Variants in ONECUT3 observed in about 807,000 individuals in gnomAD.
ONECUT3 encodes the protein one cut domain family member 3.
A neutral mutation model predicts 16.8 loss-of-function variants in ONECUT3; 11 were observed. That is an observed-to-expected ratio of 0.66 (90% CI 0.41 to 1.09). ONECUT3 has a LOEUF of 1.09. Among genes scored for constraint, ONECUT3 ranks in the 50% least tolerant of loss-of-function variants. ONECUT3 has a pLI of 0.00. For missense variants in ONECUT3, 637 were observed against 629.9 expected (o/e 1.01, Z -0.12); for synonymous variants, 344 against 310.7 (o/e 1.11, Z -1.13).
At position 1,764,373 on chromosome 19, in the gene ONECUT3, C is replaced by T. The variant is rs2145961455; in HGVS notation, c.1192+9519C>T. ...TTTCCCGGTTAAGTCTTTGAAGGCT[C>T]AGAACTAATTTGAAAATGCAGTCAT... On this transcript the variant is annotated intron_variant, in intron 1 of 1. Coordinates refer to ENST00000382349, the MANE Select transcript of ONECUT3 (RefSeq NM_001080488.2). The surrounding 1 kb of genome is among the most constrained non-coding windows in gnomAD (Gnocchi z 5.0). 6.6e-6 allele frequency among the ~76,000 whole-genome samples: 1 copy of T among 152,226 alleles called. No individual in the cohort carries two copies.
chr19:1,774,417 C>CAA (rs58392959), intron 1 of ONECUT3, among the ~76,000 whole-genome samples: 7 of 146,104 alleles, frequency 4.8e-5, no homozygotes, highest in African/African-American at 1.0e-4. Flanking sequence ...TTCCCCTCCG[C>CAA]AAAAAAAAAA....
rs949075864 is a variant in ONECUT3, at chr19:1,753,826, ACGG to A, written c.183_185del (p.Gly64del). ...GTGGCCGGCATGGCGAGCCTGCTGG[ACGG>A]CGGCGGCGGCGGCGGCGGTGGGGGC... On this transcript the variant is annotated inframe_deletion, in exon 1 of 2. Transcript: ENST00000382349. 569 of 951,760 alleles carry A rather than the reference ACGG, an allele frequency of 6.0e-4. No individual in the cohort carries two copies. The highest frequency in any genetic ancestry group is 6.5e-4 in the Non-Finnish European group (522 of 804,458). 59.0% of individuals were successfully genotyped at this position (951,760 alleles called of 1,614,324 possible). A position where few individuals can be genotyped will look rare whatever the true frequency, so the allele number is the denominator to read the frequency against.
At chr19:1,771,162 T>A (rs767165025) in intron 1 of ONECUT3, among the ~76,000 whole-genome samples, 11 of 152,154 alleles carry the variant, frequency 7.2e-5, no homozygotes, top group Admixed American at 4.6e-4. Flanking sequence ...TTTCCACACA[T>A]ATTAGGTCAT....
chr19:1,769,969 C>T (rs970769770), intron 1 of ONECUT3, among the ~76,000 whole-genome samples: 3 of 152,108 alleles, frequency 2.0e-5, no homozygotes, highest in African/African-American at 7.2e-5. Context: ...TGCATCCTAC[C>T]TCCCTCCCCC....
Position 1,762,094 on chromosome 19 carries a change from T to C in ONECUT3, c.1192+7240T>C, listed in dbSNP as rs1024528046. On this transcript the variant is annotated intron_variant, in intron 1 of 1. Transcript: ENST00000382349. The surrounding 1 kb of genome is among the most constrained non-coding windows in gnomAD (Gnocchi z 4.4). The stretch of plus-strand genomic sequence containing the variant: ...AGGACCCCCATCCGCCCTCTGGCAG[T>C]CTTGAGCCAGCAACTCCCCTAAGTG... Among the ~76,000 whole-genome samples, 6 of 152,148 alleles carry C rather than the reference T, an allele frequency of 3.9e-5. No individual in the cohort carries two copies. Among genetic ancestry groups the C allele is most frequent in the African/African-American group, 1.4e-4 (6 of 41,432 alleles).
Position 1,780,511 on chromosome 19 carries a change from G to A in ONECUT3, c.*5066G>A, listed in dbSNP as rs1320720338. 6.6e-6 allele frequency: 1 copy of A among 152,130 alleles called. No homozygotes were observed. The highest frequency in any genetic ancestry group is 1.5e-5 in the Non-Finnish European group (1 of 68,078). The allele number at this position is 152,130 out of a possible 1,614,324, so 9.4% of individuals were successfully genotyped here. ...GGGAGAGATGAGAGGGGCCGCTTTT[G>A]GGACAGGCCCCAGTAGGGGGGGGCG... On this transcript the variant is annotated 3_prime_UTR_variant, in exon 2 of 2. Transcript: ENST00000382349.
chr19:1,772,358 C>G (rs1382660164), intron 1 of ONECUT3, among the ~76,000 whole-genome samples: 1 of 152,034 alleles, frequency 6.6e-6, no homozygotes, highest in Non-Finnish European at 1.5e-5. Context: ...GAGAGTCTTA[C>G]TCTGTCACCC....
Position 1,775,293 on chromosome 19 carries a change from G to T in ONECUT3, c.1333G>T (p.Val445Phe). Residue 445 changes from valine to phenylalanine, a missense_variant, in exon 2 of 2, where the codon GTC (valine) becomes TTC (phenylalanine). Around this residue, in one of 3 missense-constraint regions of ONECUT3, gnomAD observed 183 missense variants for 188.3 expected, o/e 0.97. Transcript: ENST00000382349. ...ENKRPSKEMQ[V>F]TISQQLGLEL... Reference sequence around the variant, plus strand: ...CAAGCGGCCGTCCAAGGAGATGCAGGTCACCATCTCGCAGCAGCTCGGCTT... The same window carrying T: ...CAAGCGGCCGTCCAAGGAGATGCAGTTCACCATCTCGCAGCAGCTCGGCTT... 6.2e-7 allele frequency: 1 copy of T among 1,605,190 alleles called. No individual in the cohort carries two copies. The highest frequency in any genetic ancestry group is 2.3e-5 in the East Asian group (1 of 44,372).
chr19:1,769,530 C>T (rs1451328369), intron 1 of ONECUT3, among the ~76,000 whole-genome samples: 2 of 151,978 alleles, frequency 1.3e-5, no homozygotes, highest in Non-Finnish European at 2.9e-5. Flanking sequence ...CACAAGGGGT[C>T]CATAACCACC....
chr19:1,769,015 GGTGGAA>G (rs2145964744), intron 1 of ONECUT3, among the ~76,000 whole-genome samples: 5 of 150,974 alleles, frequency 3.3e-5, no homozygotes, highest in Admixed American at 6.6e-5. Context: ...AGGTGGTGGA[GGTGGAA>G]GTGGAGGTGG....
In ONECUT3 at chr19:1,780,532, G is replaced by GT. The variant is rs1487912234; in HGVS notation, c.*5087_*5088insT. On this transcript the variant is annotated 3_prime_UTR_variant, in exon 2 of 2. Transcript: ENST00000382349. The stretch of plus-strand genomic sequence containing the variant: ...TTTTGGGACAGGCCCCAGTAGGGGG[G>GT]GGCGGGGTAGCTAAACGGGGTGCTT... 2 of 152,282 alleles carry GT rather than the reference G, an allele frequency of 1.3e-5. No homozygotes were observed. The highest frequency in any genetic ancestry group is 2.9e-5 in the Non-Finnish European group (2 of 68,100). The allele number at this position is 152,282 out of a possible 1,614,324, so 9.4% of individuals were successfully genotyped here.
At chr19:1,768,106 C>G (rs960491073) in intron 1 of ONECUT3, among the ~76,000 whole-genome samples, 2 of 152,078 alleles carry the variant, frequency 1.3e-5, no homozygotes, top group Admixed American at 1.3e-4. Flanking sequence ...ATGGAGTGGG[C>G]ATCCTGTCAG....
rs1193291972 is a variant in ONECUT3, at chr19:1,759,924, G to A, written c.1192+5070G>A. 6.6e-6 allele frequency among the ~76,000 whole-genome samples: 1 copy of A among 152,084 alleles called. No homozygotes were observed. The highest frequency in any genetic ancestry group is 6.5e-5 in the Admixed American group (1 of 15,274). On this transcript the variant is annotated intron_variant, in intron 1 of 1. Coordinates refer to ENST00000382349, the MANE Select transcript of ONECUT3 (RefSeq NM_001080488.2). This position sits in a 1 kb window ranked among gnomAD's most constrained non-coding sequence, Gnocchi z 4.1. ...TGCGCGCGAGACTCAGGTGACTCTG[G>A]TGCCCCCACACCAGCACCCTCCCAC...
In ONECUT3 at chr19:1,764,100, A is replaced by G. The variant is rs1253950426; in HGVS notation, c.1192+9246A>G. ...ATTCCTTTCCTGTCATCTTTTTCAAATCCATTTCCCACTGCAGGCGCTGTG... is the reference window on the plus strand; with the variant it reads ...ATTCCTTTCCTGTCATCTTTTTCAAGTCCATTTCCCACTGCAGGCGCTGTG... On this transcript the variant is annotated intron_variant, in intron 1 of 1. Transcript: ENST00000382349. The surrounding 1 kb of genome is among the most constrained non-coding windows in gnomAD (Gnocchi z 5.0). Among the ~76,000 whole-genome samples the G allele has an allele frequency of 6.6e-6, 1 of 152,044 alleles. No homozygotes were observed. The highest frequency in any genetic ancestry group is 1.5e-5 in the Non-Finnish European group (1 of 67,996).
intron 1 of ONECUT3, among the ~76,000 whole-genome samples, chr19:1,763,393 A>AAAAAAAAAAAAAAAAAAAAAAAAC (rs2067957930): frequency 7.1e-6 from 1 of 139,920 alleles, no homozygotes; most frequent in South Asian, 2.3e-4. Context: ...AAAAAAAAAA[A>AAAAAAAAAAAAAAAAAAAAAAAAC]AAATTAGCCA....
At position 1,762,209 on chromosome 19, in the gene ONECUT3, C is replaced by T. The variant is rs1410135983; in HGVS notation, c.1192+7355C>T. Among the ~76,000 whole-genome samples, 1 of 152,202 alleles carries T rather than the reference C, an allele frequency of 6.6e-6. No individual in the cohort carries two copies. The highest frequency in any genetic ancestry group is 1.9e-4 in the East Asian group (1 of 5,184). On this transcript the variant is annotated intron_variant, in intron 1 of 1. Coordinates refer to ENST00000382349, the MANE Select transcript of ONECUT3 (RefSeq NM_001080488.2). The surrounding 1 kb of genome is among the most constrained non-coding windows in gnomAD (Gnocchi z 4.4). ...ACCCTCGTGCTGGCTGCTGGGGGTC[C>T]TGCGTGCCTTCCGCGCGCCCCCAGC...
chr19:1,775,682 C>CA lies in ONECUT3; in HGVS notation c.*237_*238insA, dbSNP rs895331230. 2 of 187,584 alleles carry CA rather than the reference C, an allele frequency of 1.1e-5. No homozygotes were observed. The highest frequency in any genetic ancestry group is 1.0e-4 in the African/African-American group (2 of 19,348). 11.6% of individuals were successfully genotyped at this position (187,584 alleles called of 1,614,324 possible). A position where few individuals can be genotyped will look rare whatever the true frequency, so the allele number is the denominator to read the frequency against. On this transcript the variant is annotated 3_prime_UTR_variant, in exon 2 of 2. Coordinates refer to ENST00000382349, the MANE Select transcript of ONECUT3 (RefSeq NM_001080488.2). ...CCTCCAGGCCAAAGGAAGCCCTCCA[C>CA]CCCCCCCCGGAGGGGAGGGAGTGAC...
Position 1,775,377 on chromosome 19 carries a change from T to A in ONECUT3, c.1417T>A (p.Trp473Arg), listed in dbSNP as rs2068096703. 2 of 1,178,668 alleles carry A rather than the reference T, an allele frequency of 1.7e-6. No homozygotes were observed. The highest frequency in any genetic ancestry group is 2.3e-6 in the Non-Finnish European group (2 of 868,514). The allele number at this position is 1,178,668 out of a possible 1,614,324, so 73.0% of individuals were successfully genotyped here. Residue 473 changes from tryptophan to arginine, a missense_variant, in exon 2 of 2, where the codon TGG becomes AGG. Trp to Arg is a moderately radical substitution (Grantham distance 101, BLOSUM62 -3). Around this residue, in one of 3 missense-constraint regions of ONECUT3, gnomAD observed 183 missense variants for 188.3 expected, o/e 0.97. Transcript: ENST00000382349. ...CGCGCGGCGCCGCTGCATGAACCGC[T>A]GGGCTGAGGAGCCCAGCACGGCCCC... ...MNARRRCMNR[W>R]AEEPSTAPGG...
chr19:1,755,546 C>A lies in ONECUT3; in HGVS notation c.1192+692C>A, dbSNP rs941118421. On this transcript the variant is annotated intron_variant, in intron 1 of 1. Coordinates refer to ENST00000382349, the MANE Select transcript of ONECUT3 (RefSeq NM_001080488.2). This position sits in a 1 kb window ranked among gnomAD's most constrained non-coding sequence, Gnocchi z 7.5. ...CCCGCGCCGCCCGGAGGCCTTCACA[C>A]CCCGACCCGGCGCCCGCCCCGCGCA... 8.5e-5 allele frequency among the ~76,000 whole-genome samples: 13 copies of A among 152,164 alleles called. No homozygotes were observed. The highest frequency in any genetic ancestry group is 4.4e-5 in the Non-Finnish European group (3 of 67,960).
Sources: gnomAD v4.1 joint callset for allele counts (sites outside exome capture counted in the v4.1 genomes callset) on GRCh38, gnomAD v4.1.1 for gene constraint, gnomAD v4.1.1 regional missense constraint, Gnocchi (gnomAD v3.1) non-coding constraint, MANE v1.5 for transcripts, NCBI Gene and HGNC (gene_info 2026-07-23, HGNC 2026-07-21) for gene names.